The following EIF2AK2 variants were observed in gnomAD, a reference collection of about 807,000 sequenced individuals.
The protein encoded by EIF2AK2 is eukaryotic translation initiation factor 2 alpha kinase 2.
Under a neutral mutation model 70.5 loss-of-function variants are expected in EIF2AK2, and 40 were observed. The observed-to-expected ratio is 0.57, with a 90% CI of 0.44 to 0.74. The LOEUF is 0.74. Among genes scored for constraint, EIF2AK2 ranks in the 30% least tolerant of loss-of-function variants. The probability of loss-of-function intolerance (pLI) is 0.00; values close to 1 mark genes in which losing one functional copy is unlikely to be tolerated. For missense variants in EIF2AK2, 555 were observed against 644.3 expected (o/e 0.86, Z 1.50); for synonymous variants, 198 against 220.9 (o/e 0.90, Z 0.92).
intron 7 of EIF2AK2, 49 bp from the exon 8 acceptor site, chr2:37,138,412 CTTAT>C (rs758789997): frequency 2.9e-5 from 46 of 1,599,474 alleles, no homozygotes; most frequent in East Asian, 6.7e-5. Context: ...GTTTTTATCA[CTTAT>C]TTCTTTCCCT....
chr2:37,120,051 G>T lies in EIF2AK2; in HGVS notation c.1156C>A (p.Leu386Ile). 1 of 1,565,132 alleles carries T rather than the reference G, an allele frequency of 6.4e-7. No individual in the cohort carries two copies. The highest frequency in any genetic ancestry group is 1.2e-5 in the South Asian group (1 of 83,792). Residue 386 changes from leucine (L) to isoleucine (I), a missense_variant, in exon 13 of 17, where the codon CTA (leucine) becomes ATA (isoleucine). Leu to Ile is a conservative substitution (Grantham distance 5). Transcript: ENST00000233057. ...QWIEKRRGEK[L>I]DKVLALELFE... is the part of the protein sequence containing the mutation. Reference sequence around the variant, plus strand: ...AGTTCCAAAGCCAAAACTTTGTCTAGTTTCTCGCCTCTTCTTTTTTCAATC... The same window carrying T: ...AGTTCCAAAGCCAAAACTTTGTCTATTTTCTCGCCTCTTCTTTTTTCAATC...
rs996367937 is a variant in EIF2AK2 at position 37,101,294 on chromosome 2, G to A, written c.*5979C>T. The A allele has an allele frequency of 6.6e-6, 1 of 152,184 alleles. No homozygotes were observed. The highest frequency in any genetic ancestry group is 1.5e-5 in the Non-Finnish European group (1 of 68,036). The allele number at this position is 152,184 out of a possible 1,614,324, so 9.4% of individuals were successfully genotyped here. A position where few individuals can be genotyped will look rare whatever the true frequency, so the allele number is the denominator to read the frequency against. The stretch of plus-strand genomic sequence containing the variant: ...CGCATCTTTCCCATTCAGATTTAGA[G>A]AAAGTTCCTTAAAGAAGAATCATAG... On this transcript the variant is annotated 3_prime_UTR_variant, in exon 17 of 17. Transcript: ENST00000233057.
intron 6 of EIF2AK2, 101 bp downstream of exon 6, chr2:37,139,530 A>G: frequency 2.7e-6 from 4 of 1,489,716 alleles, no homozygotes; most frequent in Non-Finnish European, 3.6e-6. Context: ...CATTTTGCTA[A>G]ATCACTGGCT....
intron 10 of EIF2AK2, among the ~76,000 whole-genome samples, chr2:37,129,604 G>A (rs1452434590): frequency 1.3e-5 from 2 of 152,056 alleles, no homozygotes; most frequent in Non-Finnish European, 2.9e-5. Context: ...TGGATACTGG[G>A]GCAAGTCTAC....
At position 37,148,894 on chromosome 2, in the gene EIF2AK2, C is replaced by A; in HGVS notation, c.-54G>T. 1 of 830,668 alleles carries A rather than the reference C, an allele frequency of 1.2e-6. No homozygotes were observed. The highest frequency in any genetic ancestry group is 1.3e-5 in the South Asian group (1 of 74,914). 51.5% of individuals were successfully genotyped at this position (830,668 alleles called of 1,614,324 possible). ...TTTGTCCAAAATGCACGCAGATAATCACGGAAGTGTGGATGTTGATTCTGA... is the reference window on the plus strand; with the variant it reads ...TTTGTCCAAAATGCACGCAGATAATAACGGAAGTGTGGATGTTGATTCTGA... On this transcript the variant is annotated 5_prime_UTR_variant, in exon 2 of 17. Transcript: ENST00000233057.
chr2:37,148,113 T>C (rs962779950), intron 2 of EIF2AK2, among the ~76,000 whole-genome samples: 3 of 151,982 alleles, frequency 2.0e-5, no homozygotes, highest in African/African-American at 4.8e-5. Flanking sequence ...AGCTCAGGAG[T>C]TCGAGACCAG....
rs1215872581 is a variant in EIF2AK2, at chr2:37,106,133, T to C, written c.*1140A>G. ...TCAAAGATAACCACCATCCAGAATT[T>C]AATATTTCTCATTCCCTTCCTTCCC... On this transcript the variant is annotated 3_prime_UTR_variant, in exon 17 of 17. Transcript: ENST00000233057. The C allele has an allele frequency of 6.6e-6, 1 of 152,238 alleles. No individual in the cohort carries two copies. Among genetic ancestry groups the C allele is most frequent in the African/African-American group, 2.4e-5 (1 of 41,454 alleles). 9.4% of individuals were successfully genotyped at this position (152,238 alleles called of 1,614,324 possible).
rs1572991196 is a variant in EIF2AK2 at position 37,102,723 on chromosome 2, G to T, written c.*4550C>A. 1 of 152,222 alleles carries T rather than the reference G, an allele frequency of 6.6e-6. No individual in the cohort carries two copies. The highest frequency in any genetic ancestry group is 1.9e-4 in the East Asian group (1 of 5,184). The allele number at this position is 152,222 out of a possible 1,614,324, so 9.4% of individuals were successfully genotyped here. ...CCCCACACCTAATTTTTGAACGAGG[G>T]CCGTACAGTTTCATTTTGCCCTTAG... On this transcript the variant is annotated 3_prime_UTR_variant, in exon 17 of 17. Coordinates refer to ENST00000233057, the MANE Select transcript of EIF2AK2 (RefSeq NM_001135651.3).
intron 15 of EIF2AK2, 49 bp downstream of exon 15, chr2:37,109,145 G>C (rs776833510): frequency 6.5e-7 from 1 of 1,550,062 alleles, no homozygotes; most frequent in East Asian, 2.3e-5. Context: ...CTCTGAAGGT[G>C]GTAGTCAGTA....
chr2:37,146,032 G>C (rs1255876546), intron 4 of EIF2AK2, among the ~76,000 whole-genome samples: 1 of 152,016 alleles, frequency 6.6e-6, no homozygotes, highest in Non-Finnish European at 1.5e-5. Flanking sequence ...AGGATTACAG[G>C]TGTGAGCCAC....
At chr2:37,141,452 G>C in intron 5 of EIF2AK2, 101 bp downstream of exon 5, 1 of 1,394,518 alleles carries the variant, frequency 7.2e-7, no homozygotes, top group Non-Finnish European at 9.9e-7. Flanking sequence ...CATACAGAAT[G>C]CTTAAAAGGA....
chr2:37,133,862 C>A (rs1395557748), intron 10 of EIF2AK2, among the ~76,000 whole-genome samples: 3 of 152,156 alleles, frequency 2.0e-5, no homozygotes, highest in Non-Finnish European at 2.9e-5. Flanking sequence ...CTTCAAGGAA[C>A]CTTCCAGGAC....
chr2:37,109,147 T>C, intron 15 of EIF2AK2, 47 bp downstream of exon 15: 2 of 1,560,212 alleles, frequency 1.3e-6, no homozygotes, highest in Non-Finnish European at 8.8e-7. Flanking sequence ...CTGAAGGTGG[T>C]AGTCAGTAAT....
intron 14 of EIF2AK2, among the ~76,000 whole-genome samples, chr2:37,110,768 A>C (rs1674116167): frequency 6.6e-6 from 1 of 152,234 alleles, no homozygotes; most frequent in Non-Finnish European, 1.5e-5. Context: ...AAGGTAAAAA[A>C]TAAAAGCAAT....
intron 6 of EIF2AK2, among the ~76,000 whole-genome samples, 196 bp from the exon 7 acceptor site, chr2:37,138,781 A>T (rs1308821739): frequency 1.3e-5 from 2 of 152,058 alleles, no homozygotes; most frequent in Non-Finnish European, 2.9e-5. Context: ...TTTCTGGATC[A>T]CAGGGCAGAT....
chr2:37,103,284 C>T lies in EIF2AK2; in HGVS notation c.*3989G>A, dbSNP rs1673872775. The stretch of plus-strand genomic sequence containing the variant: ...GATCTCAGCTCACTGCAACCTCCAC[C>T]TCCTGGGTTCAAGCGATTCTCCTGC... On this transcript the variant is annotated 3_prime_UTR_variant, in exon 17 of 17. Coordinates refer to ENST00000233057, the MANE Select transcript of EIF2AK2 (RefSeq NM_001135651.3). 1 of 152,040 alleles carries T rather than the reference C, an allele frequency of 6.6e-6. No individual in the cohort carries two copies. Among genetic ancestry groups the T allele is most frequent in the Admixed American group, 6.6e-5 (1 of 15,236 alleles). The allele number at this position is 152,040 out of a possible 1,614,324, so 9.4% of individuals were successfully genotyped here.
Position 37,107,151 on chromosome 2 carries a change from A to T in EIF2AK2, c.*122T>A, listed in dbSNP as rs1016574625. On this transcript the variant is annotated 3_prime_UTR_variant, in exon 17 of 17. Coordinates refer to ENST00000233057, the MANE Select transcript of EIF2AK2 (RefSeq NM_001135651.3). ...TGTTTCTGCAGAAAGATTAGTAAAA[A>T]TAGTAAAAAATTAAAGGAAACATTA... is the stretch of plus-strand genomic sequence containing the variant. 1.6e-6 allele frequency: 2 copies of T among 1,233,952 alleles called. No individual in the cohort carries two copies. Among genetic ancestry groups the T allele is most frequent in the Non-Finnish European group, 2.1e-6 (2 of 935,924 alleles). The allele number at this position is 1,233,952 out of a possible 1,614,324, so 76.4% of individuals were successfully genotyped here. A position where few individuals can be genotyped will look rare whatever the true frequency, so the allele number is the denominator to read the frequency against.
intron 4 of EIF2AK2, among the ~76,000 whole-genome samples, chr2:37,142,744 C>G (rs1675378471): frequency 6.6e-6 from 1 of 152,078 alleles, no homozygotes. Context: ...CTGAGAATGG[C>G]CCTCTGGTGT....
At chr2:37,152,506 C>G (rs976910533) in intron 1 of EIF2AK2, among the ~76,000 whole-genome samples, 27 of 152,128 alleles carry the variant, frequency 1.8e-4, no homozygotes, top group Non-Finnish European at 3.7e-4. Context: ...GTCTCCAACT[C>G]CTGAACTCCA....
Sources: allele counts gnomAD v4.1 joint callset (sites outside exome capture counted in the v4.1 genomes callset), GRCh38; gene constraint gnomAD v4.1.1; transcripts MANE v1.5; gene names NCBI Gene and HGNC (gene_info 2026-07-23, HGNC 2026-07-21).